The following PLXDC2 variants were observed in gnomAD, a reference collection of about 807,000 sequenced individuals.
The protein encoded by PLXDC2 is plexin domain containing 2.
PLXDC2 carries 40 observed loss-of-function variants against 68.9 expected under a neutral mutation model. The observed-to-expected ratio is 0.58, with a 90% CI of 0.45 to 0.76. The LOEUF (loss-of-function observed/expected upper bound fraction) is 0.76. Among genes scored for constraint, PLXDC2 ranks in the 30% least tolerant of loss-of-function variants. The probability of loss-of-function intolerance (pLI) is 0.00; values close to 1 mark genes in which losing one functional copy is unlikely to be tolerated. For synonymous variants in PLXDC2, 243 were observed against 234.2 expected (o/e 1.04, Z -0.34); for missense variants, 644 against 661.9 (o/e 0.97, Z 0.30).
intron 1 of PLXDC2, among the ~76,000 whole-genome samples, chr10:19,983,490 C>G (rs1390427135): frequency 6.6e-6 from 1 of 152,154 alleles, no homozygotes; most frequent in Non-Finnish European, 1.5e-5. Context: ...GAGGAATTAT[C>G]TGCTGGACTA....
At chr10:19,867,843 G>C in intron 1 of PLXDC2, among the ~76,000 whole-genome samples, 1 of 152,238 alleles carries the variant, frequency 6.6e-6, no homozygotes, top group East Asian at 1.9e-4. Context: ...TAGTGTGTAT[G>C]TATAAATGTA....
intron 1 of PLXDC2, among the ~76,000 whole-genome samples, chr10:19,900,497 A>G (rs1775157308): frequency 1.3e-5 from 2 of 152,206 alleles, no homozygotes; most frequent in Non-Finnish European, 2.9e-5. Context: ...AACACTGTGC[A>G]GTATTTCTTC....
intron 11 of PLXDC2, 97 bp downstream of exon 11, chr10:20,217,673 C>G: frequency 7.4e-7 from 1 of 1,347,782 alleles, no homozygotes; most frequent in East Asian, 2.6e-5. Context: ...GGAATAGCTC[C>G]TACTCTCTAG....
intron 1 of PLXDC2, among the ~76,000 whole-genome samples, chr10:19,907,263 A>G (rs1192289751): frequency 6.6e-5 from 10 of 152,160 alleles, no homozygotes; most frequent in African/African-American, 9.7e-5. Flanking sequence ...TCTCGTTCCA[A>G]TAAACACTTT....
intron 1 of PLXDC2, among the ~76,000 whole-genome samples, chr10:19,836,300 T>C (rs751528471): frequency 1.3e-4 from 19 of 151,954 alleles, no homozygotes; most frequent in Non-Finnish European, 2.9e-5. Context: ...TTTATAGGCA[T>C]GGGGGAAGAC....
At chr10:19,992,163 A>G (rs535356790) in intron 1 of PLXDC2, among the ~76,000 whole-genome samples, 1 of 152,316 alleles carries the variant, frequency 6.6e-6, no homozygotes, top group East Asian at 1.9e-4. Flanking sequence ...AGAATATTTA[A>G]TATATGACCC....
intron 2 of PLXDC2, among the ~76,000 whole-genome samples, chr10:20,008,019 TA>T (rs1478592792): frequency 6.6e-6 from 1 of 152,228 alleles, no homozygotes; most frequent in Non-Finnish European, 1.5e-5. Context: ...AAAGTAGAGA[TA>T]AACAGTTTTT....
At chr10:20,250,782 A>T (rs1288963281) in intron 13 of PLXDC2, among the ~76,000 whole-genome samples, 1 of 152,252 alleles carries the variant, frequency 6.6e-6, no homozygotes, top group Admixed American at 6.5e-5. Context: ...AATGAATGGT[A>T]TAAAAGAACT....
intron 4 of PLXDC2, among the ~76,000 whole-genome samples, chr10:20,082,538 C>T (rs1049360201): frequency 6.6e-6 from 1 of 152,082 alleles, no homozygotes; most frequent in Non-Finnish European, 1.5e-5. Context: ...GCTGTTTTTA[C>T]TTGAGTGATT....
chr10:20,289,468 C>T lies in PLXDC2; in HGVS notation c.*9649C>T, dbSNP rs749012836. ...CTCCTTTGATTTTCTGAATAAGTTC[C>T]AGAAGGTTCTCTATTATTCTGTCCT... On this transcript the variant is annotated 3_prime_UTR_variant, in exon 14 of 14. Coordinates refer to ENST00000377252, the MANE Select transcript of PLXDC2 (RefSeq NM_032812.9). 6.6e-6 allele frequency: 1 copy of T among 152,194 alleles called. No homozygotes were observed. The allele number at this position is 152,194 out of a possible 1,614,324, so 9.4% of individuals were successfully genotyped here.
At chr10:20,069,123 C>T (rs1283878566) in intron 4 of PLXDC2, among the ~76,000 whole-genome samples, 2 of 152,168 alleles carry the variant, frequency 1.3e-5, no homozygotes, top group African/African-American at 4.8e-5. Context: ...TACCAGGGGT[C>T]TTCTGGATGG....
chr10:19,891,672 C>T (rs1837966083), intron 1 of PLXDC2, among the ~76,000 whole-genome samples: 1 of 152,170 alleles, frequency 6.6e-6, no homozygotes. Context: ...AGGTCGGTAA[C>T]CTCTGGAGCG....
chr10:20,044,122 T>TCCTTCCTTCCTTCCTACCTTCCTTCCTC (rs71388894), intron 2 of PLXDC2, among the ~76,000 whole-genome samples: 10 of 99,784 alleles, frequency 1.0e-4, no homozygotes, highest in South Asian at 3.5e-4. Flanking sequence ...CTTCCTTCCT[T>TCCTTCCTTCCTTCCTACCTTCCTTCCTC]CCTCCCTCCC....
intron 1 of PLXDC2, among the ~76,000 whole-genome samples, chr10:19,849,701 C>G (rs569653798): frequency 5.5e-4 from 83 of 152,236 alleles, no homozygotes; most frequent in African/African-American, 1.9e-3. Context: ...TCAATTAAAC[C>G]TCTTTCTTTG....
chr10:19,865,001 G>A (rs1234937684), intron 1 of PLXDC2, among the ~76,000 whole-genome samples: 2 of 152,224 alleles, frequency 1.3e-5, no homozygotes, highest in Non-Finnish European at 2.9e-5. Flanking sequence ...AGAAGACAGA[G>A]AGGATGATGT....
chr10:20,163,696 A>G (rs7073149), intron 6 of PLXDC2, among the ~76,000 whole-genome samples: 46,205 of 151,968 alleles, frequency 0.3, 7,651 homozygotes, highest in East Asian at 0.51. Flanking sequence ...CATATCTCCA[A>G]TGGATCTTTT....
At chr10:19,930,366 A>G (rs1833606935) in intron 1 of PLXDC2, among the ~76,000 whole-genome samples, 1 of 150,816 alleles carries the variant, frequency 6.6e-6, no homozygotes, top group Non-Finnish European at 1.5e-5. Flanking sequence ...AGCTCTCTGC[A>G]AACCGCTAAT....
chr10:19,856,227 A>C (rs1837209188), intron 1 of PLXDC2, among the ~76,000 whole-genome samples: 1 of 152,148 alleles, frequency 6.6e-6, no homozygotes. Context: ...TGAACTATTT[A>C]TTGTTTACAT....
chr10:20,038,770 A>T (rs528072947), intron 2 of PLXDC2, among the ~76,000 whole-genome samples: 20 of 152,204 alleles, frequency 1.3e-4, no homozygotes, highest in Non-Finnish European at 2.4e-4. Context: ...GATTAAAAAA[A>T]TTAATGTGAC....
Sources: gnomAD v4.1 joint callset for allele counts (sites outside exome capture counted in the v4.1 genomes callset) on GRCh38, gnomAD v4.1.1 for gene constraint, MANE v1.5 for transcripts, NCBI Gene and HGNC (gene_info 2026-07-23, HGNC 2026-07-21) for gene names.